The following STK32C variants were observed in gnomAD, a reference collection of about 807,000 sequenced individuals.
The protein encoded by STK32C is serine/threonine-protein kinase 32C.
A neutral mutation model predicts 56.5 loss-of-function variants in STK32C; 31 were observed. The ratio of observed to expected loss-of-function variants is 0.55; its 90% CI spans 0.41 to 0.74. STK32C has a LOEUF of 0.74. STK32C is among the 30% of genes least tolerant of loss of function. The pLI is 0.00. For synonymous variants in STK32C, 309 were observed against 289.4 expected (o/e 1.07, Z -0.69); for missense variants, 544 against 676.9 (o/e 0.80, Z 2.18).
chr10:132,314,205 A>T (rs2066273308), intron 1 of STK32C, among the ~76,000 whole-genome samples: 1 of 152,236 alleles, frequency 6.6e-6, no homozygotes, highest in South Asian at 2.1e-4. Flanking sequence ...CATCGCTCAT[A>T]GCAGAACTAA....
At chr10:132,209,143 C>CA in intron 10 of STK32C, 42 bp from the exon 11 acceptor site, 1 of 1,581,510 alleles carries the variant, frequency 6.3e-7, no homozygotes. Flanking sequence ...GGACGCTGTC[C>CA]AGGTTCCGCC....
At chr10:132,309,183 G>A (rs564500832), upstream of STK32C, among the ~76,000 whole-genome samples, 5 of 152,194 alleles carry the variant, frequency 3.3e-5, no homozygotes, top group Admixed American at 2.6e-4. Flanking sequence ...GCCTCCCCAC[G>A]GCCTTTGACA....
At chr10:132,225,199 G>T in intron 7 of STK32C, 34 bp downstream of exon 7, 1 of 1,544,976 alleles carries the variant, frequency 6.5e-7, no homozygotes. Flanking sequence ...CAGGGGCCTG[G>T]CAGCCAAGCC....
downstream of STK32C, among the ~76,000 whole-genome samples, chr10:132,320,161 A>G (rs1196617418): frequency 6.6e-6 from 1 of 152,070 alleles, no homozygotes; most frequent in South Asian, 2.1e-4. Context: ...ATTCAGGAAC[A>G]TCCCACAATC....
intron 2 of STK32C, among the ~76,000 whole-genome samples, chr10:132,243,900 C>T (rs2137909209): frequency 6.6e-6 from 1 of 152,314 alleles, no homozygotes; most frequent in South Asian, 2.1e-4. Context: ...GGCTCAAACA[C>T]TGGCAGGGCT....
chr10:132,323,122 C>CTG (rs2066440879), downstream of STK32C, among the ~76,000 whole-genome samples: 1 of 152,164 alleles, frequency 6.6e-6, no homozygotes, highest in Non-Finnish European at 1.5e-5. The surrounding 1 kb of genome is among the most constrained non-coding windows in gnomAD (Gnocchi z 4.8). Flanking sequence ...CTTGTCCTTA[C>CTG]TGAAATAATG....
intron 1 of STK32C, among the ~76,000 whole-genome samples, chr10:132,267,672 T>G (rs1410382967): frequency 7.1e-6 from 1 of 141,434 alleles, no homozygotes; most frequent in Non-Finnish European, 1.5e-5. Context: ...TGTGTGTCGG[T>G]GTGTGTGCAT....
intron 1 of STK32C, among the ~76,000 whole-genome samples, chr10:132,300,277 A>C (rs919491665): frequency 6.6e-6 from 1 of 152,228 alleles, no homozygotes; most frequent in African/African-American, 2.4e-5. Flanking sequence ...ACTCCCACCT[A>C]CACCATCTCC....
chr10:132,241,983 G>A (rs1328698765), intron 2 of STK32C, among the ~76,000 whole-genome samples: 4 of 152,090 alleles, frequency 2.6e-5, no homozygotes, highest in African/African-American at 9.7e-5. Flanking sequence ...GGTGGCACAC[G>A]CCTGTAGTCC....
intron 1 of STK32C, among the ~76,000 whole-genome samples, chr10:132,318,552 T>G (rs1437422071): frequency 1.3e-5 from 2 of 151,082 alleles, no homozygotes; most frequent in Non-Finnish European, 2.9e-5. Context: ...GAGGCGGAGG[T>G]TGCAGTGAGC....
chr10:132,268,224 CGTGTGT>C (rs59819169), intron 1 of STK32C, among the ~76,000 whole-genome samples: 64 of 86,758 alleles, frequency 7.4e-4, no homozygotes, highest in Middle Eastern at 0.01. Flanking sequence ...TGTCCCACAT[CGTGTGT>C]GTGTGTGTGT....
chr10:132,220,351 G>A (rs1315721491), intron 10 of STK32C, among the ~76,000 whole-genome samples: 1 of 152,234 alleles, frequency 6.6e-6, no homozygotes, highest in Non-Finnish European at 1.5e-5. Context: ...GCCTTCAGAG[G>A]GGGCACGGCT....
At chr10:132,253,887 C>T (rs1440981392) in intron 1 of STK32C, among the ~76,000 whole-genome samples, 1 of 152,254 alleles carries the variant, frequency 6.6e-6, no homozygotes, top group Admixed American at 6.5e-5. Context: ...TTCCTCCCGC[C>T]CTGCAGGGAC....
At position 132,327,597 on chromosome 10, in the gene STK32C, A is replaced by T. The variant is rs190811723; in HGVS notation, c.302-3224T>A. On this transcript the variant is annotated intron_variant, in intron 1 of 1. Coordinates refer to the STK32C transcript ENST00000368619. ...TTCAAGCAATTCTCCTGCCTTAGCC[A>T]CCCGAGTACCTGGAACTACAGGTAT... Among the ~76,000 whole-genome samples, 858 of 151,750 alleles carry T rather than the reference A, an allele frequency of 5.7e-3. 13 individuals are homozygous for T. Among genetic ancestry groups the T allele is most frequent in the African/African-American group, 0.02 (830 of 41,318 alleles).
At chr10:132,329,471 A>G (rs1294614658) in intron 1 of STK32C, among the ~76,000 whole-genome samples, 1 of 152,226 alleles carries the variant, frequency 6.6e-6, no homozygotes, top group Non-Finnish European at 1.5e-5. Context: ...TAGATAAAGA[A>G]AGAAAACAGC....
In STK32C at chr10:132,307,267, T is replaced by G; in HGVS notation, c.262+305A>C. 1 of 243,458 alleles carries G rather than the reference T, an allele frequency of 4.1e-6. No individual in the cohort carries two copies. The highest frequency in any genetic ancestry group is 1.0e-4 in the South Asian group (1 of 9,948). 15.1% of individuals were successfully genotyped at this position (243,458 alleles called of 1,614,324 possible). On this transcript the variant is annotated intron_variant, in intron 1 of 11. Transcript: ENST00000298630. The surrounding 1 kb of genome is among the most constrained non-coding windows in gnomAD (Gnocchi z 4.4). ...GATCACGGAAAGCGGAAAGCAGGGC[T>G]GCCACGGGCGGTGGGCGGAGGCGCG...
intron 1 of STK32C, among the ~76,000 whole-genome samples, chr10:132,287,438 C>T (rs1355264563): frequency 4.7e-5 from 7 of 149,212 alleles, no homozygotes; most frequent in South Asian, 2.2e-4. Context: ...TACAGTGAGC[C>T]GAGATCGTGC....
intron 2 of STK32C, among the ~76,000 whole-genome samples, chr10:132,235,032 T>C (rs2063226102): frequency 6.6e-6 from 1 of 152,050 alleles, no homozygotes; most frequent in African/African-American, 2.4e-5. Context: ...GTGAGCAGTG[T>C]GAACTGTGAG....
intron 1 of STK32C, among the ~76,000 whole-genome samples, chr10:132,276,733 G>C (rs2065008098): frequency 6.6e-6 from 1 of 152,022 alleles, no homozygotes; most frequent in Non-Finnish European, 1.5e-5. Flanking sequence ...GCTTCAGTGA[G>C]CTATGATTGT....
Sources: allele counts gnomAD v4.1 joint callset (sites outside exome capture counted in the v4.1 genomes callset), GRCh38; gene constraint gnomAD v4.1.1; non-coding constraint Gnocchi (gnomAD v3.1); transcripts MANE v1.5; gene names NCBI Gene and HGNC (gene_info 2026-07-23, HGNC 2026-07-21).